PTPRG: variants seen among roughly 807,000 people sequenced by gnomAD.
The protein encoded by PTPRG is protein tyrosine phosphatase receptor type G, also known as receptor-type tyrosine-protein phosphatase gamma.
In PTPRG, 102 loss-of-function variants were observed where a neutral mutation model predicts 165.3. The observed-to-expected ratio is 0.62, with a 90% CI of 0.53 to 0.73. PTPRG has a LOEUF of 0.73. Among genes scored for constraint, PTPRG ranks in the 30% least tolerant of loss-of-function variants. The pLI, the probability that PTPRG is intolerant of heterozygous loss-of-function variation, is 0.00. For missense variants in PTPRG, 1,866 were observed against 1,861.4 expected (o/e 1.00, Z -0.05); for synonymous variants, 675 against 669.5 (o/e 1.01, Z -0.13).
intron 2 of PTPRG, among the ~76,000 whole-genome samples, chr3:61,879,749 C>A (rs962094291): frequency 5.3e-5 from 8 of 152,146 alleles, no homozygotes; most frequent in Non-Finnish European, 1.0e-4. Flanking sequence ...CTAGAACCTC[C>A]AGTGCAGTGT....
At chr3:61,742,318 G>A (rs939215276) in intron 1 of PTPRG, 1 of 590,856 alleles carries the variant, frequency 1.7e-6, no homozygotes, top group Admixed American at 3.4e-5. Context: ...AATGAGGCAC[G>A]TAGGAAACAG....
At chr3:61,992,430 G>A (rs1463968260) in intron 3 of PTPRG, among the ~76,000 whole-genome samples, 1 of 152,126 alleles carries the variant, frequency 6.6e-6, no homozygotes, top group African/African-American at 2.4e-5. Context: ...CATGATCTCA[G>A]CTCATTGCAA....
intron 4 of PTPRG, among the ~76,000 whole-genome samples, chr3:62,069,089 G>T (rs150402724): frequency 1.3e-5 from 2 of 152,318 alleles, no homozygotes; most frequent in East Asian, 3.9e-4. Context: ...CTAGCCTGTG[G>T]AAATGGTTTA....
At chr3:62,076,828 G>A (rs1053973037) in intron 4 of PTPRG, among the ~76,000 whole-genome samples, 3 of 152,088 alleles carry the variant, frequency 2.0e-5, no homozygotes, top group Non-Finnish European at 2.9e-5. Context: ...TGACCTGCCC[G>A]CCACAGCCTC....
At chr3:62,033,651 C>T (rs1488140201) in intron 4 of PTPRG, among the ~76,000 whole-genome samples, 3 of 151,838 alleles carry the variant, frequency 2.0e-5, no homozygotes, top group Admixed American at 2.0e-4. Flanking sequence ...AGGCATGAGC[C>T]ACCACGCCTG....
At chr3:61,913,368 C>T (rs868157186) in intron 2 of PTPRG, among the ~76,000 whole-genome samples, 3 of 152,064 alleles carry the variant, frequency 2.0e-5, no homozygotes, top group Non-Finnish European at 2.9e-5. Flanking sequence ...TACAGGTGCC[C>T]GCCACCACGC....
intron 5 of PTPRG, among the ~76,000 whole-genome samples, chr3:62,093,051 CGATGCT>C (rs1701993958): frequency 6.6e-6 from 1 of 152,142 alleles, no homozygotes; most frequent in Non-Finnish European, 1.5e-5. Flanking sequence ...TAAATAATAC[CGATGCT>C]CAGGTTCCAC....
intron 1 of PTPRG, among the ~76,000 whole-genome samples, chr3:61,566,492 C>G (rs60739965): frequency 0.02 from 3,076 of 152,300 alleles, 107 homozygotes; most frequent in African/African-American, 0.069. Flanking sequence ...CCCTTGTCTC[C>G]CTGCCTTTTC....
intron 2 of PTPRG, among the ~76,000 whole-genome samples, chr3:61,887,760 T>C (rs1446573919): frequency 6.6e-6 from 1 of 152,122 alleles, no homozygotes; most frequent in Non-Finnish European, 1.5e-5. Flanking sequence ...TCCATATTTA[T>C]TTAGGGCAAA....
intron 1 of PTPRG, among the ~76,000 whole-genome samples, chr3:61,736,395 T>G (rs1389201362): frequency 6.6e-6 from 1 of 152,038 alleles, no homozygotes; most frequent in East Asian, 1.9e-4. Flanking sequence ...ATATTCTTTC[T>G]TTTCCTTATT....
intron 1 of PTPRG, among the ~76,000 whole-genome samples, chr3:61,619,554 C>G (rs1701393068): frequency 6.6e-6 from 1 of 152,208 alleles, no homozygotes; most frequent in African/African-American, 2.4e-5. Context: ...GCAATGCAGC[C>G]TTTGAGAAAC....
chr3:61,691,631 A>G, intron 1 of PTPRG, among the ~76,000 whole-genome samples: 1 of 152,224 alleles, frequency 6.6e-6, no homozygotes, highest in East Asian at 1.9e-4. Context: ...TTTTGTGTAC[A>G]TCTGTGTATT....
At chr3:62,282,189 T>C (rs1702474912) in intron 27 of PTPRG, among the ~76,000 whole-genome samples, 1 of 152,022 alleles carries the variant, frequency 6.6e-6, no homozygotes, top group African/African-American at 2.4e-5. Flanking sequence ...TAATAATTTA[T>C]TGTCACTTGA....
intron 1 of PTPRG, among the ~76,000 whole-genome samples, chr3:61,692,999 T>TG (rs1311362224): frequency 1.3e-5 from 2 of 152,220 alleles, no homozygotes; most frequent in Non-Finnish European, 2.9e-5. Flanking sequence ...TTAGTAACAG[T>TG]TGTTTTTATA....
rs368316704 is a variant in PTPRG, at chr3:62,013,173, A to C, written c.519+9676A>C. ...TAATCTGTTTCCCCAATACATTCCA[A>C]AATATTGTTTTAACATAAAATCAAT... On this transcript the variant is annotated intron_variant, in intron 4 of 29. Transcript: ENST00000474889. Among the ~76,000 whole-genome samples, 5 of 152,274 alleles carry C rather than the reference A, an allele frequency of 3.3e-5. No homozygotes were observed. In the East Asian group the frequency reaches 5.8e-4, roughly 18 times the overall value.
intron 1 of PTPRG, among the ~76,000 whole-genome samples, chr3:61,583,518 C>G (rs1049594100): frequency 2.6e-5 from 4 of 152,146 alleles, no homozygotes; most frequent in African/African-American, 9.7e-5. Flanking sequence ...TTTTATTGTA[C>G]TGCTATTATT....
intron 1 of PTPRG, among the ~76,000 whole-genome samples, chr3:61,600,173 A>ATAT (rs1553639767): frequency 2.4e-4 from 30 of 123,466 alleles, no homozygotes; most frequent in African/African-American, 8.0e-4. Flanking sequence ...AAAAAAAAAA[A>ATAT]ATATATATAT....
intron 2 of PTPRG, among the ~76,000 whole-genome samples, chr3:61,788,963 GCT>G (rs1275216761): frequency 6.6e-6 from 1 of 152,120 alleles, no homozygotes; most frequent in Non-Finnish European, 1.5e-5. Context: ...CATTGTTGCT[GCT>G]CTCTGTTATT....
At chr3:62,256,907 G>A (rs143827215) in intron 16 of PTPRG, among the ~76,000 whole-genome samples, 1 of 152,212 alleles carries the variant, frequency 6.6e-6, no homozygotes, top group Non-Finnish European at 1.5e-5. Flanking sequence ...CTGGGCATCT[G>A]TACCCTATTT....
Sources: allele counts gnomAD v4.1 joint callset (sites outside exome capture counted in the v4.1 genomes callset), GRCh38; gene constraint gnomAD v4.1.1; transcripts MANE v1.5; gene names NCBI Gene and HGNC (gene_info 2026-07-23, HGNC 2026-07-21).